ACSBG2: variants seen among roughly 807,000 people sequenced by gnomAD.
ACSBG2 encodes long-chain-fatty-acid--CoA ligase ACSBG2.
ACSBG2 carries 62 observed loss-of-function variants against 74.7 expected under a neutral mutation model. The observed-to-expected ratio is 0.83, with a 90% CI of 0.68 to 1.03. The LOEUF (loss-of-function observed/expected upper bound fraction) is 1.03. Among genes scored for constraint, ACSBG2 ranks in the 50% least tolerant of loss-of-function variants. The pLI, the probability that ACSBG2 is intolerant of heterozygous loss-of-function variation, is 0.00. For missense variants in ACSBG2, 730 were observed against 817.6 expected (o/e 0.89, Z 1.31); for synonymous variants, 309 against 294.1 (o/e 1.05, Z -0.52).
At chr19:6,146,548 C>A (rs2089040293) in intron 2 of ACSBG2, among the ~76,000 whole-genome samples, 1 of 147,658 alleles carries the variant, frequency 6.8e-6, no homozygotes, top group South Asian at 2.2e-4. Flanking sequence ...GGCGGATCAC[C>A]TGAAGTCGGG....
chr19:6,141,460 C>A (rs10853992), intron 1 of ACSBG2, 53 bp from the exon 2 acceptor site: 565,678 of 876,734 alleles, frequency 0.65, 184,324 homozygotes, highest in Admixed American at 0.73. Flanking sequence ...TTGGCCTCAT[C>A]CCTACAGCCC....
chr19:6,173,005 T>C (rs1334393626), intron 7 of ACSBG2, among the ~76,000 whole-genome samples: 3 of 152,104 alleles, frequency 2.0e-5, no homozygotes, highest in African/African-American at 7.2e-5. Flanking sequence ...CTGGCAGCAG[T>C]GTGGGGTGGG....
At chr19:6,145,027 C>T (rs1027296530) in intron 2 of ACSBG2, among the ~76,000 whole-genome samples, 1 of 152,000 alleles carries the variant, frequency 6.6e-6, no homozygotes, top group African/African-American at 2.4e-5. Flanking sequence ...CATCTCCAGT[C>T]CTTGGGTCCT....
At chr19:6,176,495 AACAC>A in intron 7 of ACSBG2, 55 of 948,330 alleles carry the variant, frequency 5.8e-5, no homozygotes, top group Middle Eastern at 2.5e-4. Context: ...ATGAAAAAAC[AACAC>A]ACACACACAC....
intron 10 of ACSBG2, among the ~76,000 whole-genome samples, chr19:6,184,675 G>C (rs1037730863): frequency 6.7e-6 from 1 of 149,746 alleles, no homozygotes; most frequent in African/African-American, 2.4e-5. Flanking sequence ...TTTTATGAAA[G>C]TAACTTTTAC....
At chr19:6,149,453 T>C (rs2089156499) in intron 3 of ACSBG2, among the ~76,000 whole-genome samples, 1 of 151,940 alleles carries the variant, frequency 6.6e-6, no homozygotes, top group Admixed American at 6.6e-5. Context: ...CTGAGTTTCC[T>C]GGTTCATTCT....
Position 6,148,486 on chromosome 19 carries a change from A to G in ACSBG2, c.297+811A>G, listed in dbSNP as rs572025696. Among the ~76,000 whole-genome samples the G allele has an allele frequency of 1.6e-4, 25 of 152,220 alleles. No individual in the cohort carries two copies. In the South Asian group the frequency reaches 5.2e-3, roughly 32 times the overall value. ...ATAGTGAGACCCCAGTCTCAATGAA[A>G]AATTTAAAAAGTAGCCAGATGCAGT... is the stretch of plus-strand genomic sequence containing the variant. On this transcript the variant is annotated intron_variant, in intron 3 of 14. Transcript: ENST00000588485.
At chr19:6,136,519 T>C (rs2088576723) in intron 1 of ACSBG2, among the ~76,000 whole-genome samples, 1 of 150,936 alleles carries the variant, frequency 6.6e-6, no homozygotes, top group Non-Finnish European at 1.5e-5. Context: ...CGCGCCACCA[T>C]GCCCAGCTAA....
At chr19:6,147,237 G>A (rs1440706083) in intron 2 of ACSBG2, among the ~76,000 whole-genome samples, 2 of 152,084 alleles carry the variant, frequency 1.3e-5, no homozygotes, top group African/African-American at 4.8e-5. Context: ...CAATCCTTTT[G>A]ACTATTAAAA....
Position 6,153,047 on chromosome 19 carries a change from T to C in ACSBG2, c.386+1252T>C, listed in dbSNP as rs570789910. Among the ~76,000 whole-genome samples, 7 of 152,002 alleles carry C rather than the reference T, an allele frequency of 4.6e-5. No homozygotes were observed. The South Asian group carries it at 1.5e-3, about 32-fold the overall frequency. ...TCACAAGGTCAGGAGATCCAGACCA[T>C]CCTGGCTAACATGCTGAAACCCCAT... On this transcript the variant is annotated intron_variant, in intron 4 of 14. Transcript: ENST00000588485.
intron 2 of ACSBG2, among the ~76,000 whole-genome samples, chr19:6,144,942 G>A (rs528611663): frequency 1.4e-4 from 21 of 151,950 alleles, no homozygotes; most frequent in Admixed American, 4.6e-4. Flanking sequence ...GTGATCTGCC[G>A]GCGTCGGCCT....
intron 1 of ACSBG2, among the ~76,000 whole-genome samples, chr19:6,140,587 C>T (rs887528461): frequency 6.6e-6 from 1 of 151,358 alleles, no homozygotes; most frequent in African/African-American, 2.4e-5. Context: ...GGCTGAGGCA[C>T]GAGAATTGCT....
At chr19:6,151,104 A>T (rs1359481081) in intron 3 of ACSBG2, among the ~76,000 whole-genome samples, 1 of 147,556 alleles carries the variant, frequency 6.8e-6, no homozygotes, top group Non-Finnish European at 1.5e-5. Flanking sequence ...ACAGAGTGAG[A>T]CTCTGTCTCA....
intron 14 of ACSBG2, among the ~76,000 whole-genome samples, chr19:6,192,464 T>C (rs1296036339): frequency 6.6e-6 from 1 of 152,180 alleles, no homozygotes; most frequent in Non-Finnish European, 1.5e-5. Flanking sequence ...CATTGTTAAA[T>C]TGCATAGGTG....
chr19:6,190,848 C>T (rs1179275390), intron 14 of ACSBG2, 156 bp downstream of exon 14: 1 of 559,114 alleles, frequency 1.8e-6, no homozygotes, highest in African/African-American at 2.0e-5. Flanking sequence ...CACACACACA[C>T]ACACTCTTAG....
In ACSBG2 at chr19:6,177,403, TTGAG is replaced by T; in HGVS notation, c.906+9_906+12del. Reference sequence around the variant, plus strand: ...TCAAGCAGATGCTCTCAAGGTAAGATTGAGTAAGGACCTGGGGCTCCGACTTCAT... The same window carrying T: ...TCAAGCAGATGCTCTCAAGGTAAGATTAAGGACCTGGGGCTCCGACTTCAT... On this transcript the variant is annotated splice_region_variant and intron_variant, in intron 8 of 14. Transcript: ENST00000588485. 1 of 1,585,014 alleles carries T rather than the reference TTGAG, an allele frequency of 6.3e-7. No individual in the cohort carries two copies. Among genetic ancestry groups the T allele is most frequent in the Non-Finnish European group, 8.6e-7 (1 of 1,166,676 alleles).
chr19:6,187,748 C>T lies in ACSBG2; in HGVS notation c.1830C>T (p.Gly610=). 6.2e-7 allele frequency: 1 copy of T among 1,614,140 alleles called. No homozygotes were observed. The highest frequency in any genetic ancestry group is 8.5e-7 in the Non-Finnish European group (1 of 1,180,016). Residue 610 remains glycine (G), a synonymous_variant, in exon 13 of 15, where the codon GGC becomes GGT. Transcript: ENST00000588485. ...DPLVYKAIQQ[G]INAVNQEAMN... ...TGGTCTACAAGGCCATCCAGCAAGG[C>T]ATCAATGCTGTGAACCAGGAAGCCA...
rs2145190032 is a variant in ACSBG2 at position 6,174,023 on chromosome 19, G to T, written c.739-3206G>T. Among the ~76,000 whole-genome samples, 1 of 149,628 alleles carries T rather than the reference G, an allele frequency of 6.7e-6. No homozygotes were observed. Among genetic ancestry groups the T allele is most frequent in the East Asian group, 2.0e-4 (1 of 5,114 alleles). ...ACAATCTCGACTCACTGCAACCTCT[G>T]CCTCCCAATTTCAAGCGATTCCCCC... On this transcript the variant is annotated intron_variant, in intron 7 of 14. Coordinates refer to ENST00000588485, the MANE Select transcript of ACSBG2 (RefSeq NM_030924.5). The surrounding 1 kb of genome is among the most constrained non-coding windows in gnomAD (Gnocchi z 4.2).
chr19:6,147,351 A>C (rs2089070595), intron 2 of ACSBG2, 95 bp from the exon 3 acceptor site: 1 of 938,052 alleles, frequency 1.1e-6, no homozygotes, highest in African/African-American at 1.6e-5. Context: ...TTCAACTCTC[A>C]GCACCTTAGG....
Sources: allele counts gnomAD v4.1 joint callset (sites outside exome capture counted in the v4.1 genomes callset), GRCh38; gene constraint gnomAD v4.1.1; non-coding constraint Gnocchi (gnomAD v3.1); transcripts MANE v1.5; gene names NCBI Gene and HGNC (gene_info 2026-07-23, HGNC 2026-07-21).